The following KCNMB2 variants were observed in gnomAD, a reference collection of about 807,000 sequenced individuals.
KCNMB2 encodes potassium calcium-activated channel subfamily M regulatory beta subunit 2.
In KCNMB2, 9 loss-of-function variants were observed where a neutral mutation model predicts 24.5. That is an observed-to-expected ratio of 0.37 (90% CI 0.22 to 0.64). The LOEUF is 0.64. Among genes scored for constraint, KCNMB2 ranks in the 30% least tolerant of loss-of-function variants. The pLI is 0.63. For missense variants in KCNMB2, 226 were observed against 284.3 expected (o/e 0.79, Z 1.47); for synonymous variants, 109 against 104.4 (o/e 1.04, Z -0.27).
chr3:178,586,523 CT>C (rs1160913551), intron 1 of KCNMB2, among the ~76,000 whole-genome samples: 3,815 of 61,732 alleles, frequency 0.062, 199 homozygotes, highest in African/African-American at 0.19. Flanking sequence ...ATTTTCTTTT[CT>C]TTTTTTTTTC....
At position 178,828,231 on chromosome 3, in the gene KCNMB2, C is replaced by T; in HGVS notation, c.281C>T (p.Thr94Ile). ...CTLLNASITETFNCSFSCGPD... is the reference protein window; with the variant it reads ...CTLLNASITEIFNCSFSCGPD... ...TTGCTGAATGCGTCCATCACGGAAA[C>T]ATTTAATTGCTCCTTCAGCTGTGGT... Residue 94 changes from threonine to isoleucine, a missense_variant, in exon 4 of 5, where the codon ACA (threonine) becomes ATA (isoleucine). Coordinates refer to ENST00000452583, the MANE Select transcript of KCNMB2 (RefSeq NM_181361.3). 1.2e-6 allele frequency: 2 copies of T among 1,614,030 alleles called. No individual in the cohort carries two copies. The highest frequency in any genetic ancestry group is 8.5e-7 in the Non-Finnish European group (1 of 1,179,966).
Position 178,838,156 on chromosome 3 carries a change from G to A in KCNMB2, c.424-4497G>A, listed in dbSNP as rs77295652. Among the ~76,000 whole-genome samples the A allele has an allele frequency of 1.0e-3, 159 of 152,254 alleles. 2 individuals are homozygous for A. In the East Asian group the frequency reaches 0.029, roughly 28 times the overall value. On this transcript the variant is annotated intron_variant, in intron 4 of 4. Coordinates refer to ENST00000452583, the MANE Select transcript of KCNMB2 (RefSeq NM_181361.3). The stretch of plus-strand genomic sequence containing the variant: ...TCTAAAAATGTTAAAGAAATGATCA[G>A]GGCATCTTTGAAGATGTCCATTTTT...
chr3:178,702,250 G>A (rs1471721637), intron 1 of KCNMB2, among the ~76,000 whole-genome samples: 1 of 135,190 alleles, frequency 7.4e-6, no homozygotes, highest in Admixed American at 8.5e-5. Context: ...CTTGGACACA[G>A]GAAGGGGAAC....
chr3:178,773,128 C>G (rs1712441757), intron 1 of KCNMB2, among the ~76,000 whole-genome samples: 1 of 152,060 alleles, frequency 6.6e-6, no homozygotes, highest in African/African-American at 2.4e-5. Flanking sequence ...CAGGCTGTTC[C>G]CGGATCACAC....
rs1401361623 is a variant in KCNMB2 at position 178,568,758 on chromosome 3, TGATAGATAGATAGATGATA to T, written c.-68+32063_-68+32081del. 3.3e-3 allele frequency among the ~76,000 whole-genome samples: 489 copies of T among 147,340 alleles called. 5 individuals carry two copies. Among genetic ancestry groups the T allele is most frequent in the African/African-American group, 0.012 (457 of 39,204 alleles). On this transcript the variant is annotated intron_variant, in intron 1 of 4. Coordinates refer to ENST00000452583, the MANE Select transcript of KCNMB2 (RefSeq NM_181361.3). ...ATCTTTAAGATGATAGATAGATAGA[TGATAGATAGATAGATGATA>T]GATAGATAGATAGATAGATAGATAG...
intron 1 of KCNMB2, among the ~76,000 whole-genome samples, chr3:178,729,995 G>A (rs1029155705): frequency 2.0e-5 from 3 of 152,106 alleles, no homozygotes; most frequent in Admixed American, 6.5e-5. Context: ...CAAAATAGCC[G>A]TAATCTCACC....
intron 1 of KCNMB2, chr3:178,801,847 G>A (rs1363319200): frequency 6.6e-6 from 1 of 152,190 alleles, no homozygotes; most frequent in Non-Finnish European, 1.5e-5. Flanking sequence ...TAGTACAAAT[G>A]TTGATTTGTT....
intron 1 of KCNMB2, among the ~76,000 whole-genome samples, chr3:178,590,328 C>T (rs1717619478): frequency 6.6e-6 from 1 of 152,084 alleles, no homozygotes; most frequent in Non-Finnish European, 1.5e-5. Context: ...CATATACACA[C>T]TATTCCTCTC....
chr3:178,675,399 G>C (rs6765989), intron 1 of KCNMB2, among the ~76,000 whole-genome samples: 52,054 of 151,990 alleles, frequency 0.34, 9,995 homozygotes, highest in African/African-American at 0.52. Flanking sequence ...TTTCAAGAGA[G>C]TGAGGTGATG....
rs566392890 is a variant in KCNMB2, at chr3:178,784,544, T to A, written c.-67-22799T>A. 3.3e-5 allele frequency among the ~76,000 whole-genome samples: 5 copies of A among 152,224 alleles called. No homozygotes were observed. The South Asian group carries it at 1.0e-3, about 32-fold the overall frequency. ...TTATAGGGCTTCCTTGGCACCCAAGTCATCCTATTAAACATTTTCCAGGCA... is the reference window on the plus strand; with the variant it reads ...TTATAGGGCTTCCTTGGCACCCAAGACATCCTATTAAACATTTTCCAGGCA... On this transcript the variant is annotated intron_variant, in intron 1 of 4. Transcript: ENST00000452583.
chr3:178,798,316 C>T (rs1358815400), intron 1 of KCNMB2, among the ~76,000 whole-genome samples: 3 of 152,054 alleles, frequency 2.0e-5, no homozygotes, highest in African/African-American at 7.2e-5. Flanking sequence ...TCCTTCAATA[C>T]CTAGTTTATT....
At chr3:178,614,329 GTATGTATATATATA>G (rs1718627143) in intron 1 of KCNMB2, among the ~76,000 whole-genome samples, 2 of 101,510 alleles carry the variant, frequency 2.0e-5, no homozygotes, top group Admixed American at 1.1e-4. Flanking sequence ...ATATATATAT[GTATGTATATATATA>G]TATGTATATA....
At position 178,554,894 on chromosome 3, in the gene KCNMB2, A is replaced by T. The variant is rs146371295; in HGVS notation, c.-68+18183A>T. On this transcript the variant is annotated intron_variant, in intron 1 of 4. Coordinates refer to ENST00000452583, the MANE Select transcript of KCNMB2 (RefSeq NM_181361.3). ...CATGGGTCTCTGCTCTCTGCAAGTG[A>T]CTTTATTATGGATAGAGGTTGTCTA... is the stretch of plus-strand genomic sequence containing the variant. Among the ~76,000 whole-genome samples the T allele has an allele frequency of 2.0e-5, 3 of 152,346 alleles. No individual in the cohort carries two copies. The East Asian group carries it at 5.8e-4, about 29-fold the overall frequency.
rs145568588 is a variant in KCNMB2, at chr3:178,651,787, C to A, written c.-68+115076C>A. Reference sequence around the variant, plus strand: ...TGCCACACATCTACAACCATCTGATCTTTGACAAACCTGAGAAAAACAAGC... The same window carrying A: ...TGCCACACATCTACAACCATCTGATATTTGACAAACCTGAGAAAAACAAGC... On this transcript the variant is annotated intron_variant, in intron 1 of 4. Coordinates refer to ENST00000452583, the MANE Select transcript of KCNMB2 (RefSeq NM_181361.3). Among the ~76,000 whole-genome samples the A allele has an allele frequency of 8.5e-3, 1,287 of 152,278 alleles. 6 individuals are homozygous for A. The highest frequency in any genetic ancestry group is 0.017 in the Middle Eastern group (5 of 294).
At chr3:178,647,565 A>G (rs190817999) in intron 1 of KCNMB2, among the ~76,000 whole-genome samples, 1 of 152,338 alleles carries the variant, frequency 6.6e-6, no homozygotes, top group Admixed American at 6.5e-5. Context: ...ATCATCTATA[A>G]AATGCAAATG....
At chr3:178,542,838 A>G (rs746158520) in intron 1 of KCNMB2, among the ~76,000 whole-genome samples, 4 of 152,220 alleles carry the variant, frequency 2.6e-5, no homozygotes, top group Non-Finnish European at 5.9e-5. Flanking sequence ...CCAGTTTCAC[A>G]GCCCTGAATA....
At chr3:178,755,473 G>A (rs1272918426) in intron 1 of KCNMB2, among the ~76,000 whole-genome samples, 1 of 152,122 alleles carries the variant, frequency 6.6e-6, no homozygotes, top group African/African-American at 2.4e-5. Context: ...CTTTGGTTGA[G>A]GTCATTTTAA....
chr3:178,731,369 C>T (rs763713129), intron 1 of KCNMB2, among the ~76,000 whole-genome samples: 11 of 152,128 alleles, frequency 7.2e-5, no homozygotes, highest in Non-Finnish European at 1.5e-4. Context: ...AGATAATTCC[C>T]TGTTGTGAGG....
intron 2 of KCNMB2, among the ~76,000 whole-genome samples, chr3:178,818,124 C>G (rs1232268486): frequency 6.6e-6 from 1 of 152,208 alleles, no homozygotes; most frequent in Non-Finnish European, 1.5e-5. Flanking sequence ...CTTCAGGATT[C>G]TGCAGAATTC....
Sources: allele counts gnomAD v4.1 joint callset (sites outside exome capture counted in the v4.1 genomes callset), GRCh38; gene constraint gnomAD v4.1.1; transcripts MANE v1.5; gene names NCBI Gene and HGNC (gene_info 2026-07-23, HGNC 2026-07-21).